MYRIP: variants seen among roughly 807,000 people sequenced by gnomAD.
The protein encoded by MYRIP is rab effector MyRIP.
A neutral mutation model predicts 98.0 loss-of-function variants in MYRIP; 49 were observed. The observed-to-expected ratio is 0.50, with a 90% CI of 0.40 to 0.63. The LOEUF (loss-of-function observed/expected upper bound fraction) is 0.63. Ranked by LOEUF, MYRIP falls within the 30% of genes least tolerant of loss-of-function variation. The pLI is 0.00. For missense variants in MYRIP, 1,004 were observed against 1,058.2 expected (o/e 0.95, Z 0.71); for synonymous variants, 404 against 409.5 (o/e 0.99, Z 0.16).
At chr3:40,109,356 C>T (rs1304282813) in intron 3 of MYRIP, among the ~76,000 whole-genome samples, 1 of 152,152 alleles carries the variant, frequency 6.6e-6, no homozygotes, top group Admixed American at 6.5e-5. Context: ...ATGAGAGAGA[C>T]TTAGTCGAGT....
chr3:40,030,085 A>G (rs1353464962), intron 2 of MYRIP, among the ~76,000 whole-genome samples: 1 of 151,450 alleles, frequency 6.6e-6, no homozygotes, highest in African/African-American at 2.4e-5. Context: ...AAAGGAAAGA[A>G]AGAGAGAGAA....
chr3:40,151,278 G>T, intron 4 of MYRIP, 94 bp downstream of exon 4: 1 of 1,338,000 alleles, frequency 7.5e-7, no homozygotes, highest in East Asian at 2.5e-5. Context: ...ACACTCACCT[G>T]GGACAGATAA....
chr3:40,012,886 G>A (rs560734639), intron 2 of MYRIP, among the ~76,000 whole-genome samples: 4 of 152,128 alleles, frequency 2.6e-5, no homozygotes, highest in Middle Eastern at 6.8e-3. Flanking sequence ...AATTGCATGC[G>A]TCTACATATA....
intron 2 of MYRIP, among the ~76,000 whole-genome samples, chr3:40,027,430 T>TC (rs1947158239): frequency 6.6e-6 from 1 of 151,924 alleles, no homozygotes; most frequent in Non-Finnish European, 1.5e-5. Flanking sequence ...TCCTCCTGTC[T>TC]CCCCCCAATA....
chr3:39,913,293 T>TATC (rs1944070970), intron 2 of MYRIP, among the ~76,000 whole-genome samples: 1 of 152,182 alleles, frequency 6.6e-6, no homozygotes, highest in Non-Finnish European at 1.5e-5. Context: ...TAGGCAAACC[T>TATC]CTATAGAGGA....
chr3:39,986,633 C>A (rs181471719), intron 2 of MYRIP, among the ~76,000 whole-genome samples: 1 of 152,248 alleles, frequency 6.6e-6, no homozygotes, highest in East Asian at 1.9e-4. Context: ...GTCCAGTGCA[C>A]CCATATCCCA....
At chr3:40,054,058 C>A (rs995863797) in intron 3 of MYRIP, among the ~76,000 whole-genome samples, 9 of 152,106 alleles carry the variant, frequency 5.9e-5, no homozygotes, top group African/African-American at 1.9e-4. Flanking sequence ...TTACCTGAGG[C>A]CTTTCAGCTC....
intron 9 of MYRIP, among the ~76,000 whole-genome samples, chr3:40,187,365 T>G (rs9856755): frequency 0.076 from 11,634 of 152,212 alleles, 1,459 homozygotes; most frequent in African/African-American, 0.26. Context: ...GCATCTGCTT[T>G]AATCCAAAGC....
intron 2 of MYRIP, among the ~76,000 whole-genome samples, chr3:39,984,063 A>C (rs1945963296): frequency 6.6e-6 from 1 of 152,176 alleles, no homozygotes; most frequent in Admixed American, 6.5e-5. Flanking sequence ...CTGAAACATC[A>C]GCCTGGCCTC....
At chr3:40,072,595 A>T (rs1428021409) in intron 3 of MYRIP, among the ~76,000 whole-genome samples, 1 of 152,156 alleles carries the variant, frequency 6.6e-6, no homozygotes, top group Non-Finnish European at 1.5e-5. Context: ...ACTCAATTCA[A>T]AATATATTCA....
intron 1 of MYRIP, chr3:39,810,547 G>A (rs905330156): frequency 6.6e-6 from 1 of 152,300 alleles, no homozygotes; most frequent in Non-Finnish European, 1.5e-5. Context: ...ACTTGAAGAG[G>A]TAGGGAGCCA....
chr3:40,098,851 C>T (rs1312484878), intron 3 of MYRIP, among the ~76,000 whole-genome samples: 1 of 141,806 alleles, frequency 7.1e-6, no homozygotes, highest in Non-Finnish European at 1.5e-5. Flanking sequence ...ACAGTCATTT[C>T]CAAAAATGCA....
intron 3 of MYRIP, among the ~76,000 whole-genome samples, chr3:40,057,543 A>G (rs1414354482): frequency 6.6e-6 from 1 of 152,112 alleles, no homozygotes; most frequent in African/African-American, 2.4e-5. Context: ...TGCCTTGGTA[A>G]CTCCCAGCAA....
At position 40,166,953 on chromosome 3, in the gene MYRIP, C is replaced by G; in HGVS notation, c.648+10C>G. The G allele has an allele frequency of 6.2e-7, 1 of 1,603,710 alleles. No homozygotes were observed. Among genetic ancestry groups the G allele is most frequent in the Non-Finnish European group, 8.5e-7 (1 of 1,170,626 alleles). On this transcript the variant is annotated intron_variant, in intron 6 of 16. Transcript: ENST00000302541. The stretch of plus-strand genomic sequence containing the variant: ...ATATGGGGACAGCCTGGTAGGGCCC[C>G]TCCTGCTCCTCTCTGTGGGGGGAGG...
chr3:40,013,884 G>A (rs778646973), intron 2 of MYRIP, among the ~76,000 whole-genome samples: 6 of 152,214 alleles, frequency 3.9e-5, no homozygotes, highest in Non-Finnish European at 7.3e-5. Flanking sequence ...CATAAAGGAT[G>A]CTTAATTTCT....
At chr3:40,011,795 A>G (rs1462278960) in intron 2 of MYRIP, among the ~76,000 whole-genome samples, 1 of 152,222 alleles carries the variant, frequency 6.6e-6, no homozygotes, top group East Asian at 1.9e-4. Flanking sequence ...AGGCAATAAA[A>G]TAATAAGTAA....
intron 3 of MYRIP, among the ~76,000 whole-genome samples, chr3:40,070,616 G>A (rs1440964106): frequency 1.3e-5 from 2 of 152,072 alleles, no homozygotes; most frequent in African/African-American, 4.8e-5. Context: ...GATTCTCATA[G>A]GAGCACAAAC....
At chr3:39,904,015 C>T (rs192444810) in intron 2 of MYRIP, among the ~76,000 whole-genome samples, 111 of 152,246 alleles carry the variant, frequency 7.3e-4, no homozygotes, top group African/African-American at 2.5e-3. Flanking sequence ...TTAATTTTGT[C>T]ATTATTTCTG....
At chr3:39,983,836 C>T (rs1945953725) in intron 2 of MYRIP, among the ~76,000 whole-genome samples, 2 of 152,134 alleles carry the variant, frequency 1.3e-5, no homozygotes, top group African/African-American at 4.8e-5. Flanking sequence ...AATATAAACA[C>T]CACATGATAA....
Sources: gnomAD v4.1 joint callset for allele counts (sites outside exome capture counted in the v4.1 genomes callset) on GRCh38, gnomAD v4.1.1 for gene constraint, MANE v1.5 for transcripts, NCBI Gene and HGNC (gene_info 2026-07-23, HGNC 2026-07-21) for gene names.